Variants in TCF12 observed in about 807,000 individuals in gnomAD.
TCF12 encodes the protein DNA-binding protein HTF4.
A neutral mutation model predicts 86.0 loss-of-function variants in TCF12; 45 were observed. The ratio of observed to expected loss-of-function variants is 0.52; its 90% CI spans 0.41 to 0.67. The LOEUF (loss-of-function observed/expected upper bound fraction) is 0.67. Ranked by LOEUF, TCF12 falls within the 30% of genes least tolerant of loss-of-function variation. TCF12 has a pLI of 0.00. For missense variants in TCF12, 881 were observed against 859.9 expected (o/e 1.02, Z -0.31); for synonymous variants, 330 against 299.6 (o/e 1.10, Z -1.05).
chr15:57,121,436 TA>T (rs1231402533), intron 5 of TCF12, among the ~76,000 whole-genome samples: 1 of 152,196 alleles, frequency 6.6e-6, no homozygotes, highest in Non-Finnish European at 1.5e-5. Flanking sequence ...GCAACAGTGT[TA>T]AAAGGTGTAG....
chr15:56,940,343 A>G (rs1233475816), intron 3 of TCF12, among the ~76,000 whole-genome samples: 4 of 152,050 alleles, frequency 2.6e-5, no homozygotes, highest in Non-Finnish European at 4.4e-5. Flanking sequence ...TTGGTTTTAG[A>G]ATTTGGGGCC....
Position 57,143,472 on chromosome 15 carries a change from A to T in TCF12, c.326-22930A>T, listed in dbSNP as rs899986077. Reference sequence around the variant, plus strand: ...TTGGGACATTTTAAAAATTAAACCGAAACAGCAACAAAAAAGGATTGTTTT... The same window carrying T: ...TTGGGACATTTTAAAAATTAAACCGTAACAGCAACAAAAAAGGATTGTTTT... On this transcript the variant is annotated intron_variant, in intron 5 of 20. Coordinates refer to ENST00000333725, the MANE Select transcript of TCF12 (RefSeq NM_207037.2). Among the ~76,000 whole-genome samples the T allele has an allele frequency of 3.3e-5, 5 of 152,212 alleles. No homozygotes were observed. In the South Asian group the frequency reaches 8.3e-4, roughly 25 times the overall value.
At chr15:57,212,224 C>T (rs1410832503) in intron 8 of TCF12, among the ~76,000 whole-genome samples, 9 of 152,148 alleles carry the variant, frequency 5.9e-5, no homozygotes, top group African/African-American at 2.2e-4. Flanking sequence ...ACCTTTTAAT[C>T]TGAAGTTCTG....
Position 57,002,806 on chromosome 15 carries a change from A to G in TCF12, c.149-60944A>G, listed in dbSNP as rs142398746. The stretch of plus-strand genomic sequence containing the variant: ...TCTATGGCGCTTCTCATGCTGTACT[A>G]CTGTAGCAGTTTGCAGGTAATGATT... On this transcript the variant is annotated intron_variant, in intron 3 of 20. Transcript: ENST00000333725. Among the ~76,000 whole-genome samples the G allele has an allele frequency of 3.2e-3, 493 of 152,318 alleles. 7 individuals carry two copies. Among genetic ancestry groups the G allele is most frequent in the African/African-American group, 0.011 (470 of 41,576 alleles).
At chr15:56,974,979 G>T (rs2062525944) in intron 3 of TCF12, among the ~76,000 whole-genome samples, 1 of 152,110 alleles carries the variant, frequency 6.6e-6, no homozygotes, top group Non-Finnish European at 1.5e-5. Context: ...CATTAGCCAT[G>T]TGGCTCTTGA....
chr15:56,981,052 G>A (rs1046459311), intron 3 of TCF12, among the ~76,000 whole-genome samples: 3 of 152,112 alleles, frequency 2.0e-5, no homozygotes, highest in Admixed American at 6.5e-5. Context: ...AATAAATTCC[G>A]GACTAATGAT....
At chr15:56,921,201 A>G in intron 3 of TCF12, 103 bp downstream of exon 3, 1 of 722,894 alleles carries the variant, frequency 1.4e-6, no homozygotes, top group Non-Finnish European at 2.0e-6. Flanking sequence ...ATATATGTAT[A>G]TAAAAGATGG....
At chr15:57,118,113 G>C (rs901377452) in intron 5 of TCF12, among the ~76,000 whole-genome samples, 2 of 152,212 alleles carry the variant, frequency 1.3e-5, no homozygotes, top group Non-Finnish European at 2.9e-5. Flanking sequence ...ATATTTGGCA[G>C]TGTGAGGAAG....
chr15:57,156,355 A>C (rs1427153197), intron 5 of TCF12, among the ~76,000 whole-genome samples: 1 of 152,200 alleles, frequency 6.6e-6, no homozygotes, highest in African/African-American at 2.4e-5. Flanking sequence ...AAAAAAACTG[A>C]GGTCTAGAGA....
At chr15:57,040,761 A>G (rs560287783) in intron 3 of TCF12, among the ~76,000 whole-genome samples, 15 of 152,336 alleles carry the variant, frequency 9.8e-5, no homozygotes, top group African/African-American at 3.4e-4. Context: ...TCCTAATTAT[A>G]CTACTGCCTT....
chr15:57,170,764 T>C (rs1277976354), intron 6 of TCF12, among the ~76,000 whole-genome samples: 1 of 14,094 alleles, frequency 7.1e-5, no homozygotes, highest in Admixed American at 1.3e-3. Context: ...ATATATTATA[T>C]ATATATTATA....
intron 3 of TCF12, among the ~76,000 whole-genome samples, chr15:56,953,566 G>A (rs2061371891): frequency 6.6e-6 from 1 of 151,872 alleles, no homozygotes; most frequent in South Asian, 2.1e-4. Context: ...GTTTTTCATT[G>A]GAGGTTTTAA....
intron 3 of TCF12, among the ~76,000 whole-genome samples, chr15:56,973,072 G>A (rs2062418630): frequency 6.6e-6 from 1 of 152,034 alleles, no homozygotes; most frequent in Non-Finnish European, 1.5e-5. Context: ...TGTTGGAGGA[G>A]GGAGTTTTAA....
intron 3 of TCF12, among the ~76,000 whole-genome samples, chr15:57,029,225 C>T (rs1664519055): frequency 6.6e-6 from 1 of 152,100 alleles, no homozygotes; most frequent in Admixed American, 6.5e-5. Flanking sequence ...TTGAGACTAT[C>T]ATGTCTTCAT....
intron 3 of TCF12, among the ~76,000 whole-genome samples, chr15:56,962,057 C>T (rs548509354): frequency 4.8e-5 from 7 of 147,348 alleles, no homozygotes; most frequent in South Asian, 2.1e-4. Context: ...GGCGTGAACC[C>T]GGGAGGCGGA....
chr15:56,996,180 G>C (rs8039899), intron 3 of TCF12, among the ~76,000 whole-genome samples: 37,498 of 151,974 alleles, frequency 0.25, 5,447 homozygotes, highest in East Asian at 0.4. Context: ...GGGGGATTCA[G>C]TTTGGTAGTA....
At chr15:57,049,566 A>G (rs2067474004) in intron 3 of TCF12, among the ~76,000 whole-genome samples, 1 of 152,234 alleles carries the variant, frequency 6.6e-6, no homozygotes, top group South Asian at 2.1e-4. Flanking sequence ...GCTGAATAGT[A>G]GTATTTCATT....
intron 3 of TCF12, among the ~76,000 whole-genome samples, chr15:57,060,135 T>TATC (rs2141681829): frequency 6.6e-6 from 1 of 152,326 alleles, no homozygotes; most frequent in South Asian, 2.1e-4. Context: ...TTCTTTAAGG[T>TATC]ATCAGCCTTT....
At chr15:57,086,984 A>G (rs2048678824) in intron 4 of TCF12, among the ~76,000 whole-genome samples, 1 of 151,936 alleles carries the variant, frequency 6.6e-6, no homozygotes, top group Non-Finnish European at 1.5e-5. Context: ...GAGTACTATT[A>G]TATAAATAAT....
Sources: gnomAD v4.1 joint callset for allele counts (sites outside exome capture counted in the v4.1 genomes callset) on GRCh38, gnomAD v4.1.1 for gene constraint, MANE v1.5 for transcripts, NCBI Gene and HGNC (gene_info 2026-07-23, HGNC 2026-07-21) for gene names.